The following MAGI2 variants were observed in gnomAD, a reference collection of about 807,000 sequenced individuals.
MAGI2 encodes the protein membrane-associated guanylate kinase, WW and PDZ domain-containing protein 2.
MAGI2 carries 35 observed loss-of-function variants against 133.3 expected under a neutral mutation model. The observed-to-expected ratio is 0.26, with a 90% CI of 0.20 to 0.35. The LOEUF (loss-of-function observed/expected upper bound fraction) is 0.35. Ranked by LOEUF, MAGI2 falls within the 10% of genes least tolerant of loss-of-function variation. The probability of loss-of-function intolerance (pLI) is 1.00; values close to 1 mark genes in which losing one functional copy is unlikely to be tolerated. For missense variants in MAGI2, 1,636 were observed against 1,863.4 expected (o/e 0.88, Z 2.25); for synonymous variants, 729 against 710.6 (o/e 1.03, Z -0.41).
At position 78,019,533 on chromosome 7, in the gene MAGI2, C is replaced by A; in HGVS notation, c.4150G>T (p.Gly1384Trp). 1 of 980,498 alleles carries A rather than the reference C, an allele frequency of 1.0e-6. No individual in the cohort carries two copies. Among genetic ancestry groups the A allele is most frequent in the South Asian group, 4.5e-5 (1 of 22,028 alleles). The allele number at this position is 980,498 out of a possible 1,614,324, so 60.7% of individuals were successfully genotyped here. A position where few individuals can be genotyped will look rare whatever the true frequency, so the allele number is the denominator to read the frequency against. The change falls in exon 22 of 22, where the codon GGG (glycine) becomes TGG (tryptophan). Residue 1384 changes from glycine (G) to tryptophan (W), a missense_variant. Physicochemically the swap from Gly to Trp is radical, Grantham distance 184 (BLOSUM62 -2). Around this residue, in one of 5 missense-constraint regions of MAGI2, gnomAD observed 354 missense variants for 298.7 expected, o/e 1.19. Transcript: ENST00000354212. Reference protein sequence around the residue: ...GSELCRREGPGAAPAFAGPGG... With the variant: ...GSELCRREGPWAAPAFAGPGG... ...GGGCCGGCAAACGCCGGCGCAGCCC[C>A]CGGGCCTTCGCGCCGGCAGAGCTCG...
At chr7:78,913,017 G>C (rs1013838293) in intron 2 of MAGI2, among the ~76,000 whole-genome samples, 1 of 151,852 alleles carries the variant, frequency 6.6e-6, no homozygotes, top group African/African-American at 2.4e-5. Flanking sequence ...CTGAAGCAGA[G>C]GGAACAGCTG....
chr7:78,213,574 C>A (rs1177349667), intron 10 of MAGI2, among the ~76,000 whole-genome samples: 2 of 152,224 alleles, frequency 1.3e-5, no homozygotes, highest in Admixed American at 6.5e-5. Context: ...ACATGGTGAA[C>A]TACTAATCTA....
intron 21 of MAGI2, among the ~76,000 whole-genome samples, chr7:78,035,746 G>GTTT (rs397764424): frequency 4.0e-4 from 56 of 141,002 alleles, no homozygotes; most frequent in African/African-American, 1.4e-3. Flanking sequence ...TGGCCTGAAT[G>GTTT]TTTTTTTTTT....
At chr7:79,130,451 G>T (rs1750912271) in intron 1 of MAGI2, among the ~76,000 whole-genome samples, 1 of 152,142 alleles carries the variant, frequency 6.6e-6, no homozygotes, top group South Asian at 2.1e-4. Context: ...CAGGTGCAAT[G>T]CTGCCGCAAC....
intron 9 of MAGI2, among the ~76,000 whole-genome samples, chr7:78,268,428 C>A (rs1046425564): frequency 1.3e-5 from 2 of 152,100 alleles, no homozygotes; most frequent in Non-Finnish European, 2.9e-5. Flanking sequence ...AGAACAATAA[C>A]CGTATGCCAA....
chr7:79,309,864 C>T (rs563594306), intron 1 of MAGI2, among the ~76,000 whole-genome samples: 7 of 150,962 alleles, frequency 4.6e-5, no homozygotes, highest in African/African-American at 1.5e-4. Context: ...GGCGCAGTGG[C>T]TCACACCTGT....
intron 9 of MAGI2, among the ~76,000 whole-genome samples, chr7:78,324,099 AT>A (rs1016443186): frequency 1.3e-5 from 2 of 151,934 alleles, no homozygotes; most frequent in African/African-American, 2.4e-5. Flanking sequence ...GTGTGTTTTT[AT>A]TTAAAAAATG....
chr7:78,034,853 A>C (rs962266382), intron 21 of MAGI2: 1 of 152,088 alleles, frequency 6.6e-6, no homozygotes, highest in Non-Finnish European at 1.5e-5. Context: ...TATACACCCA[A>C]ACTAAGCTTT....
At chr7:78,103,729 T>C (rs956259281) in intron 20 of MAGI2, among the ~76,000 whole-genome samples, 2 of 152,244 alleles carry the variant, frequency 1.3e-5, no homozygotes, top group South Asian at 4.1e-4. Context: ...AATGAATAAA[T>C]ACATGTTCAA....
At chr7:79,160,415 C>T (rs1824240795) in intron 1 of MAGI2, among the ~76,000 whole-genome samples, 1 of 151,942 alleles carries the variant, frequency 6.6e-6, no homozygotes, top group South Asian at 2.1e-4. Context: ...AGTGTAAAAC[C>T]AAGCAACTGT....
At chr7:78,186,499 A>C (rs943631369) in intron 12 of MAGI2, among the ~76,000 whole-genome samples, 5 of 152,190 alleles carry the variant, frequency 3.3e-5, no homozygotes, top group Admixed American at 3.3e-4. Context: ...GCAGACTTTC[A>C]CCATGTCTTT....
At chr7:78,028,209 G>C (rs1291135843) in intron 21 of MAGI2, among the ~76,000 whole-genome samples, 1 of 152,196 alleles carries the variant, frequency 6.6e-6, no homozygotes, top group East Asian at 1.9e-4. Flanking sequence ...CTGAAGCATT[G>C]TTTCCAAGTA....
At chr7:78,072,707 G>C in intron 21 of MAGI2, 1 of 394,254 alleles carries the variant, frequency 2.5e-6, no homozygotes, top group Non-Finnish European at 4.5e-6. Context: ...TTGAGTTGGG[G>C]TCTTGCTCTG....
intron 6 of MAGI2, among the ~76,000 whole-genome samples, chr7:78,439,688 C>T (rs1787406159): frequency 6.6e-6 from 1 of 152,164 alleles, no homozygotes; most frequent in Non-Finnish European, 1.5e-5. Flanking sequence ...AATGTAATCT[C>T]TAATTCTGCC....
At chr7:78,081,649 T>C (rs1270923891) in intron 20 of MAGI2, among the ~76,000 whole-genome samples, 1 of 152,186 alleles carries the variant, frequency 6.6e-6, no homozygotes, top group Non-Finnish European at 1.5e-5. Context: ...GAATGGTATA[T>C]TTGGGAAACT....
intron 10 of MAGI2, among the ~76,000 whole-genome samples, chr7:78,223,346 A>G (rs1284156786): frequency 2.0e-5 from 3 of 152,196 alleles, no homozygotes; most frequent in Non-Finnish European, 4.4e-5. Context: ...GCTCTCACAT[A>G]CTTGACCTAC....
chr7:78,622,929 T>A (rs987270678), intron 3 of MAGI2, among the ~76,000 whole-genome samples: 1 of 152,024 alleles, frequency 6.6e-6, no homozygotes, highest in African/African-American at 2.4e-5. Flanking sequence ...CTAGGCCAAT[T>A]AAGATGGCAC....
At chr7:78,409,902 G>C (rs1797714538) in intron 6 of MAGI2, among the ~76,000 whole-genome samples, 3 of 151,954 alleles carry the variant, frequency 2.0e-5, no homozygotes, top group South Asian at 2.1e-4. Flanking sequence ...CATATTAACA[G>C]GAAAATAATG....
At chr7:79,407,091 T>C (rs1845857293) in intron 1 of MAGI2, among the ~76,000 whole-genome samples, 1 of 152,134 alleles carries the variant, frequency 6.6e-6, no homozygotes, top group Non-Finnish European at 1.5e-5. Context: ...ATTTTACTAA[T>C]AAGAACAGGG....
Sources: allele counts gnomAD v4.1 joint callset (sites outside exome capture counted in the v4.1 genomes callset), GRCh38; gene constraint gnomAD v4.1.1; regional missense constraint gnomAD v4.1.1; transcripts MANE v1.5; gene names NCBI Gene and HGNC (gene_info 2026-07-23, HGNC 2026-07-21).